The following RUNX1 variants were observed in gnomAD, a reference collection of about 807,000 sequenced individuals.
The protein encoded by RUNX1 is runt-related transcription factor 1.
RUNX1 carries 19 observed loss-of-function variants against 42.8 expected under a neutral mutation model. That is an observed-to-expected ratio of 0.44 (90% CI 0.31 to 0.65). The LOEUF (loss-of-function observed/expected upper bound fraction) is 0.65. Ranked by LOEUF, RUNX1 falls within the 30% of genes least tolerant of loss-of-function variation. The probability of loss-of-function intolerance (pLI) is 0.07; values close to 1 mark genes in which losing one functional copy is unlikely to be tolerated. For missense variants in RUNX1, 528 were observed against 672.0 expected (o/e 0.79, Z 2.37); for synonymous variants, 271 against 289.4 (o/e 0.94, Z 0.64).
At chr21:34,842,999 G>A (rs1236704565) in intron 6 of RUNX1, among the ~76,000 whole-genome samples, 1 of 152,166 alleles carries the variant, frequency 6.6e-6, no homozygotes, top group African/African-American at 2.4e-5. Context: ...GAACCCAGGA[G>A]GCAGAAGTTG....
rs1569095213 is a variant in RUNX1, at chr21:34,901,882, T to G, written c.59-8919A>C. On this transcript the variant is annotated intron_variant, in intron 2 of 8. Coordinates refer to ENST00000675419, the MANE Select transcript of RUNX1 (RefSeq NM_001754.5). The surrounding 1 kb of genome is among the most constrained non-coding windows in gnomAD (Gnocchi z 4.3). ...CCCTAATTGGCGAATGTCACACTAG[T>G]AAGATTTTCTGGTGGATGATAGATG... 6.6e-6 allele frequency among the ~76,000 whole-genome samples: 1 copy of G among 152,174 alleles called. No homozygotes were observed. The highest frequency in any genetic ancestry group is 1.5e-5 in the Non-Finnish European group (1 of 68,034).
intron 7 of RUNX1, among the ~76,000 whole-genome samples, chr21:34,802,605 A>G (rs910630386): frequency 6.6e-6 from 1 of 152,234 alleles, no homozygotes; most frequent in African/African-American, 2.4e-5. Context: ...GCCTTCTGGA[A>G]GTTACAGCTA....
At chr21:34,906,533 T>C (rs963712667) in intron 2 of RUNX1, among the ~76,000 whole-genome samples, 3 of 152,196 alleles carry the variant, frequency 2.0e-5, no homozygotes, top group Admixed American at 1.3e-4. Flanking sequence ...TAGGAACAAT[T>C]ATCCCCTAAG....
intron 5 of RUNX1, 142 bp from the exon 6 acceptor site, chr21:34,859,720 G>A: frequency 1.3e-6 from 1 of 765,708 alleles, no homozygotes; most frequent in South Asian, 1.4e-5. Context: ...TTTTGGCTTT[G>A]CTTCAATTCT....
intron 2 of RUNX1, among the ~76,000 whole-genome samples, chr21:34,996,340 TAG>T (rs1317010788): frequency 6.6e-6 from 1 of 151,488 alleles, no homozygotes. Context: ...GGAGAGAAAA[TAG>T]AGAGAAAGGG....
intron 7 of RUNX1, among the ~76,000 whole-genome samples, chr21:34,819,086 C>T (rs914591112): frequency 6.6e-6 from 1 of 152,186 alleles, no homozygotes; most frequent in Non-Finnish European, 1.5e-5. Flanking sequence ...TAGTTTTCTG[C>T]GATTCACTCA....
chr21:34,808,518 C>T (rs1158792764), intron 7 of RUNX1, among the ~76,000 whole-genome samples: 5 of 152,284 alleles, frequency 3.3e-5, no homozygotes, highest in East Asian at 3.9e-4. Flanking sequence ...CACATCAGGC[C>T]GCCCCCAACC....
rs565783563 is a variant in RUNX1 at position 35,024,358 on chromosome 21, A to G, written c.58+24484T>C. On this transcript the variant is annotated intron_variant, in intron 2 of 8. Coordinates refer to ENST00000675419, the MANE Select transcript of RUNX1 (RefSeq NM_001754.5). ...TTGTGATTGTGAAGATGCCATGCCA[A>G]TCTACTGAGACTTCTACAAGAGAGA... 2.5e-3 allele frequency among the ~76,000 whole-genome samples: 384 copies of G among 152,350 alleles called. 1 individual carries two copies. Among genetic ancestry groups the G allele is most frequent in the African/African-American group, 8.9e-3 (370 of 41,578 alleles).
intron 2 of RUNX1, among the ~76,000 whole-genome samples, chr21:35,013,102 G>A (rs759230985): frequency 9.9e-5 from 15 of 152,088 alleles, no homozygotes; most frequent in African/African-American, 4.8e-5. Flanking sequence ...CCATGTTATC[G>A]CATGTATACA....
At chr21:34,969,583 T>C (rs1359302325) in intron 2 of RUNX1, among the ~76,000 whole-genome samples, 1 of 152,170 alleles carries the variant, frequency 6.6e-6, no homozygotes, top group Non-Finnish European at 1.5e-5. Flanking sequence ...AGAGGCACTT[T>C]GTACTTCTGC....
At position 34,982,757 on chromosome 21, in the gene RUNX1, A is replaced by T. The variant is rs530759311; in HGVS notation, c.58+66085T>A. Among the ~76,000 whole-genome samples, 5 of 152,132 alleles carry T rather than the reference A, an allele frequency of 3.3e-5. No individual in the cohort carries two copies. In the South Asian group the frequency reaches 1.0e-3, roughly 32 times the overall value. On this transcript the variant is annotated intron_variant, in intron 2 of 8. Coordinates refer to ENST00000675419, the MANE Select transcript of RUNX1 (RefSeq NM_001754.5). ...GCTAATTTTTGTATTTTTAGTAGAG[A>T]CGGGGTTTCACCATGTTGGTCAGGC... is the stretch of plus-strand genomic sequence containing the variant.
rs113256925 is a variant in RUNX1, at chr21:34,898,080, G to A, written c.59-5117C>T. 6.6e-3 allele frequency among the ~76,000 whole-genome samples: 1,011 copies of A among 152,228 alleles called. 10 individuals are homozygous for A. Among genetic ancestry groups the A allele is most frequent in the African/African-American group, 0.022 (914 of 41,524 alleles). On this transcript the variant is annotated intron_variant, in intron 2 of 8. Transcript: ENST00000675419. ...AACTAGAGAGCAGTCTCTAGATGCC[G>A]AGGGTGACCCCTGATTGACAGCCAG...
chr21:34,926,765 C>G (rs1417683951), intron 2 of RUNX1, among the ~76,000 whole-genome samples: 1 of 151,978 alleles, frequency 6.6e-6, no homozygotes, highest in East Asian at 1.9e-4. Flanking sequence ...TAGAGGATTT[C>G]TTTTCTAAGC....
At chr21:34,799,630 A>G (rs1428997308) in intron 7 of RUNX1, among the ~76,000 whole-genome samples, 168 bp from the exon 8 acceptor site, 2 of 152,176 alleles carry the variant, frequency 1.3e-5, no homozygotes, top group African/African-American at 4.8e-5. Flanking sequence ...CCTCTGTTGG[A>G]TTATTTTCCC....
At chr21:34,794,954 T>C (rs2056504871) in intron 8 of RUNX1, among the ~76,000 whole-genome samples, 1 of 152,194 alleles carries the variant, frequency 6.6e-6, no homozygotes, top group Admixed American at 6.5e-5. Context: ...TCACCCCAGC[T>C]GAGAACCACC....
intron 2 of RUNX1, among the ~76,000 whole-genome samples, chr21:34,942,832 T>A (rs1323293636): frequency 1.3e-5 from 2 of 152,140 alleles, no homozygotes; most frequent in African/African-American, 2.4e-5. Flanking sequence ...CACAACTTTG[T>A]GTTATGAGAG....
chr21:34,835,617 G>A (rs1170519798), intron 6 of RUNX1, among the ~76,000 whole-genome samples: 1 of 152,172 alleles, frequency 6.6e-6, no homozygotes, highest in African/African-American at 2.4e-5. Flanking sequence ...TCCAAGGTAG[G>A]GAGGTAGCCA....
At chr21:35,038,572 CCT>C (rs59976658) in intron 2 of RUNX1, 15,159 of 331,664 alleles carry the variant, frequency 0.046, 597 homozygotes, top group East Asian at 0.081. Flanking sequence ...TGAATGCTGG[CCT>C]CTCTCTCTCT....
chr21:35,031,147 G>A (rs966117011), intron 2 of RUNX1, among the ~76,000 whole-genome samples: 3 of 152,148 alleles, frequency 2.0e-5, no homozygotes, highest in East Asian at 1.9e-4. Context: ...TCAGGAGTTC[G>A]AGACCAGCCT....
Sources: allele counts gnomAD v4.1 joint callset (sites outside exome capture counted in the v4.1 genomes callset), GRCh38; gene constraint gnomAD v4.1.1; non-coding constraint Gnocchi (gnomAD v3.1); transcripts MANE v1.5; gene names NCBI Gene and HGNC (gene_info 2026-07-23, HGNC 2026-07-21).